NFKB1: variants seen among roughly 807,000 people sequenced by gnomAD.
The protein encoded by NFKB1 is nuclear factor NF-kappa-B p105 subunit.
Under a neutral mutation model 105.1 loss-of-function variants are expected in NFKB1, and 9 were observed. The ratio of observed to expected loss-of-function variants is 0.09; its 90% CI spans 0.05 to 0.15. The LOEUF (loss-of-function observed/expected upper bound fraction) is 0.15, where lower values mean the gene tolerates loss of function less well. Ranked by LOEUF, NFKB1 falls within the 10% of genes least tolerant of loss-of-function variation. The pLI is 1.00. For synonymous variants in NFKB1, 440 were observed against 442.2 expected, an observed-to-expected ratio of 1.00 and a Z score of 0.06; for missense variants, 830 against 1,203.7, an observed-to-expected ratio of 0.69 and a Z score of 4.59.
chr4:102,524,208 T>C (rs1029367686), intron 1 of NFKB1, among the ~76,000 whole-genome samples: 7 of 152,144 alleles, frequency 4.6e-5, no homozygotes, highest in East Asian at 1.9e-4. Context: ...TCAAATGATA[T>C]GTGATTTTAG....
chr4:102,524,117 C>A (rs138994131), intron 1 of NFKB1, among the ~76,000 whole-genome samples: 1 of 151,664 alleles, frequency 6.6e-6, no homozygotes, highest in Admixed American at 6.6e-5. Context: ...TGTCACATAT[C>A]TAAAATTTGA....
chr4:102,548,317 G>C (rs575973211), intron 5 of NFKB1, among the ~76,000 whole-genome samples: 1 of 152,232 alleles, frequency 6.6e-6, no homozygotes. Context: ...TCCATGCGAG[G>C]TGTGAGCATC....
At chr4:102,578,456 G>A in intron 7 of NFKB1, 1 of 189,254 alleles carries the variant, frequency 5.3e-6, no homozygotes, top group Non-Finnish European at 1.1e-5. Flanking sequence ...TGTCTGCTTG[G>A]CACTGTGGAA....
chr4:102,506,162 T>C (rs1306071110), intron 1 of NFKB1, among the ~76,000 whole-genome samples: 1 of 152,172 alleles, frequency 6.6e-6, no homozygotes, highest in East Asian at 1.9e-4. Context: ...TATAAAGTAA[T>C]TGGAATGATA....
chr4:102,580,978 A>G (rs2149187820), intron 9 of NFKB1, among the ~76,000 whole-genome samples: 1 of 152,356 alleles, frequency 6.6e-6, no homozygotes, highest in South Asian at 2.1e-4. Context: ...CTTGACACAC[A>G]TACAAACACA....
intron 5 of NFKB1, among the ~76,000 whole-genome samples, chr4:102,562,765 G>C (rs973236813): frequency 6.6e-5 from 10 of 152,172 alleles, no homozygotes; most frequent in Non-Finnish European, 1.5e-4. Flanking sequence ...AGACTTCCTA[G>C]ACTTTACCAC....
intron 2 of NFKB1, 24 bp from the exon 3 acceptor site, chr4:102,529,812 A>G: frequency 6.6e-7 from 1 of 1,505,826 alleles, no homozygotes; most frequent in Non-Finnish European, 9.1e-7. Flanking sequence ...AATGATTGAA[A>G]CATTTAAATG....
At chr4:102,601,414 A>G (rs897197988) in intron 16 of NFKB1, among the ~76,000 whole-genome samples, 2 of 152,260 alleles carry the variant, frequency 1.3e-5, no homozygotes, top group African/African-American at 4.8e-5. Context: ...CAACATCCAG[A>G]TTAAATGTAT....
intron 19 of NFKB1, 66 bp downstream of exon 19, chr4:102,607,817 G>A (rs1466448796): frequency 2.9e-6 from 4 of 1,372,186 alleles, no homozygotes; most frequent in Non-Finnish European, 4.2e-6. Context: ...AACTTCAATA[G>A]AGCAGTCATG....
At chr4:102,507,221 C>G (rs1233958739) in intron 1 of NFKB1, among the ~76,000 whole-genome samples, 1 of 151,962 alleles carries the variant, frequency 6.6e-6, no homozygotes. Flanking sequence ...TCCAGGCACT[C>G]TGCCTGTGAC....
intron 4 of NFKB1, among the ~76,000 whole-genome samples, chr4:102,535,015 A>G (rs1225305054): frequency 6.6e-6 from 1 of 152,208 alleles, no homozygotes; most frequent in Non-Finnish European, 1.5e-5. Flanking sequence ...AGAATGCCAC[A>G]TGAAACTTTG....
At chr4:102,552,078 A>G (rs749284822) in intron 5 of NFKB1, among the ~76,000 whole-genome samples, 1 of 152,186 alleles carries the variant, frequency 6.6e-6, no homozygotes. Flanking sequence ...CATAAGACCA[A>G]GGAAGTGGTG....
intron 1 of NFKB1, among the ~76,000 whole-genome samples, chr4:102,521,897 G>A (rs916998171): frequency 6.6e-6 from 1 of 152,152 alleles, no homozygotes; most frequent in Non-Finnish European, 1.5e-5. Flanking sequence ...CAATTCACTG[G>A]CTATTTTATT....
chr4:102,611,035 G>C (rs1384673131), intron 20 of NFKB1, among the ~76,000 whole-genome samples: 1 of 152,156 alleles, frequency 6.6e-6, no homozygotes, highest in African/African-American at 2.4e-5. Context: ...TAGGATAAAT[G>C]TTACTGTTTG....
chr4:102,575,993 T>C (rs952180700), intron 6 of NFKB1, among the ~76,000 whole-genome samples: 3 of 152,248 alleles, frequency 2.0e-5, no homozygotes, highest in Admixed American at 6.5e-5. Flanking sequence ...AGTCCTTTTT[T>C]GTTTGCCTGT....
chr4:102,612,024 G>T lies in NFKB1; in HGVS notation c.2353-20G>T, dbSNP rs992518005. On this transcript the variant is annotated intron_variant, in intron 20 of 23. Transcript: ENST00000226574. ...GTCCCTTCGATGTATAACGATTTCT[G>T]GTGTTTTTCTTTCCAACAGGTATTT... is the stretch of plus-strand genomic sequence containing the variant. 6.2e-7 allele frequency: 1 copy of T among 1,604,964 alleles called. No individual in the cohort carries two copies. The highest frequency in any genetic ancestry group is 8.5e-7 in the Non-Finnish European group (1 of 1,171,764).
At chr4:102,597,386 G>A in intron 14 of NFKB1, 134 bp from the exon 15 acceptor site, 1 of 933,086 alleles carries the variant, frequency 1.1e-6, no homozygotes, top group South Asian at 2.2e-5. Context: ...CAAAAGCATT[G>A]AAAGAACATT....
chr4:102,561,265 C>CTTTTT (rs551312422), intron 5 of NFKB1, among the ~76,000 whole-genome samples: 1 of 138,288 alleles, frequency 7.2e-6, no homozygotes. Flanking sequence ...TCTTTCTTTC[C>CTTTTT]TTTTTTTTTT....
At chr4:102,605,374 T>C (rs4235406) in intron 16 of NFKB1, among the ~76,000 whole-genome samples, 37,849 of 152,158 alleles carry the variant, frequency 0.25, 5,881 homozygotes, top group East Asian at 0.41. Context: ...TATCATGTGC[T>C]GTGGTCACCT....
Sources: allele counts gnomAD v4.1 joint callset (sites outside exome capture counted in the v4.1 genomes callset), GRCh38; gene constraint gnomAD v4.1.1; transcripts MANE v1.5; gene names NCBI Gene and HGNC (gene_info 2026-07-23, HGNC 2026-07-21).